ROBO1: variants seen among roughly 807,000 people sequenced by gnomAD.
ROBO1 encodes roundabout guidance receptor 1.
Under a neutral mutation model 195.9 loss-of-function variants are expected in ROBO1, and 149 were observed. The observed-to-expected ratio is 0.76, with a 90% CI of 0.67 to 0.87. The LOEUF (loss-of-function observed/expected upper bound fraction) is 0.87. ROBO1 is among the 40% of genes least tolerant of loss of function. The pLI, the probability that ROBO1 is intolerant of heterozygous loss-of-function variation, is 0.00. For synonymous variants in ROBO1, 816 were observed against 733.2 expected (o/e 1.11, Z -1.82); for missense variants, 1,933 against 2,068.3 (o/e 0.93, Z 1.27).
chr3:78,619,818 G>T (rs980386971), intron 26 of ROBO1, among the ~76,000 whole-genome samples: 10 of 151,898 alleles, frequency 6.6e-5, no homozygotes, highest in Admixed American at 6.6e-4. Flanking sequence ...AGGAGTTTGA[G>T]ACCAGCCTGG....
At chr3:79,231,051 C>T (rs901071285) in intron 2 of ROBO1, among the ~76,000 whole-genome samples, 8 of 152,112 alleles carry the variant, frequency 5.3e-5, no homozygotes, top group African/African-American at 1.9e-4. Flanking sequence ...CTTCCTTACA[C>T]CCTACACAAA....
At chr3:78,921,580 C>T (rs374440598) in intron 4 of ROBO1, among the ~76,000 whole-genome samples, 42 of 152,228 alleles carry the variant, frequency 2.8e-4, no homozygotes, top group African/African-American at 9.2e-4. Context: ...ATAAGCTCAC[C>T]TTATTTTAGG....
At chr3:79,019,874 A>G (rs557661746) in intron 3 of ROBO1, among the ~76,000 whole-genome samples, 2 of 152,184 alleles carry the variant, frequency 1.3e-5, no homozygotes, top group African/African-American at 4.8e-5. Flanking sequence ...AAAAAAAATC[A>G]ATTTTGAGCA....
chr3:79,440,424 A>T (rs749825003), intron 2 of ROBO1, among the ~76,000 whole-genome samples: 1 of 152,090 alleles, frequency 6.6e-6, no homozygotes, highest in Non-Finnish European at 1.5e-5. Context: ...GCTTCTGCTC[A>T]TAATTTATGT....
At chr3:79,104,324 C>A (rs1026999203) in intron 3 of ROBO1, among the ~76,000 whole-genome samples, 2 of 151,756 alleles carry the variant, frequency 1.3e-5, no homozygotes, top group African/African-American at 2.4e-5. Context: ...GTAGAAACTA[C>A]CTTACTTGAA....
intron 4 of ROBO1, among the ~76,000 whole-genome samples, chr3:78,787,752 C>T (rs1014360735): frequency 1.3e-5 from 2 of 151,876 alleles, no homozygotes; most frequent in African/African-American, 2.4e-5. Context: ...GATTTCGAGA[C>T]GAGCACAGGC....
chr3:79,601,865 C>T (rs1944349334), intron 1 of ROBO1, among the ~76,000 whole-genome samples: 1 of 151,842 alleles, frequency 6.6e-6, no homozygotes, highest in African/African-American at 2.4e-5. Flanking sequence ...TAGTTCAATA[C>T]TATTGGGAGA....
chr3:79,030,423 C>T lies in ROBO1; in HGVS notation c.173-91496G>A, dbSNP rs151337131. 7.4e-3 allele frequency among the ~76,000 whole-genome samples: 1,127 copies of T among 152,198 alleles called. 8 individuals are homozygous for T. Among genetic ancestry groups the T allele is most frequent in the South Asian group, 0.021 (100 of 4,824 alleles). On this transcript the variant is annotated intron_variant, in intron 3 of 30. Coordinates refer to ENST00000464233, the MANE Select transcript of ROBO1 (RefSeq NM_002941.4). ...TGTCAATAGTATCTAGACTGAGTAA[C>T]TCTGCTCTAGTTAAACTTTAATATA...
At chr3:79,000,289 T>G (rs777210960) in intron 3 of ROBO1, among the ~76,000 whole-genome samples, 11 of 152,132 alleles carry the variant, frequency 7.2e-5, no homozygotes, top group Non-Finnish European at 1.3e-4. Context: ...CTTGTAAATT[T>G]GTTTAAGTTC....
chr3:78,665,386 C>CCTG lies in ROBO1; in HGVS notation c.1966+2494_1966+2496dup, dbSNP rs1367870219. 2.0e-5 allele frequency among the ~76,000 whole-genome samples: 3 copies of CCTG among 152,272 alleles called. No homozygotes were observed. In the East Asian group the frequency reaches 5.8e-4, roughly 29 times the overall value. On this transcript the variant is annotated intron_variant, in intron 14 of 30. Transcript: ENST00000464233. Reference sequence around the variant, plus strand: ...CACACTCACATATACTTCCCGTAAGCCTGCTGTCTTTAGTCTATCCTTTTA... The same window carrying CCTG: ...CACACTCACATATACTTCCCGTAAGCCTGCTGCTGTCTTTAGTCTATCCTTTTA...
chr3:79,195,808 C>T (rs181192215), intron 2 of ROBO1, among the ~76,000 whole-genome samples: 156 of 151,268 alleles, frequency 1.0e-3, no homozygotes, highest in Non-Finnish European at 1.7e-3. Context: ...AAACTAGATG[C>T]TAATGTCTCT....
intron 1 of ROBO1, among the ~76,000 whole-genome samples, chr3:79,640,491 T>C (rs1348494918): frequency 6.6e-6 from 1 of 152,096 alleles, no homozygotes; most frequent in African/African-American, 2.4e-5. Context: ...ACTAATACAC[T>C]GCCCATGAAT....
chr3:79,291,837 G>C (rs903506907), intron 2 of ROBO1, among the ~76,000 whole-genome samples: 2 of 152,070 alleles, frequency 1.3e-5, no homozygotes, highest in African/African-American at 4.8e-5. Flanking sequence ...CAAGTTTTTT[G>C]AAATATAGAA....
At chr3:79,427,552 A>C (rs999863176) in intron 2 of ROBO1, among the ~76,000 whole-genome samples, 5 of 152,090 alleles carry the variant, frequency 3.3e-5, no homozygotes, top group African/African-American at 1.2e-4. Context: ...CAATTTCCTC[A>C]TTTTAAAAAT....
At chr3:78,874,860 C>T (rs931082522) in intron 4 of ROBO1, among the ~76,000 whole-genome samples, 2 of 151,786 alleles carry the variant, frequency 1.3e-5, no homozygotes, top group Non-Finnish European at 2.9e-5. Flanking sequence ...ATAATAGTTA[C>T]CTCAAAACAA....
intron 2 of ROBO1, among the ~76,000 whole-genome samples, chr3:79,575,490 A>AATAC (rs1553767619): frequency 7.9e-6 from 1 of 127,134 alleles, no homozygotes; most frequent in Admixed American, 8.6e-5. Flanking sequence ...ATATATAACA[A>AATAC]ATATATAAAT....
intron 4 of ROBO1, among the ~76,000 whole-genome samples, chr3:78,907,426 T>A (rs939790723): frequency 6.6e-6 from 1 of 152,082 alleles, no homozygotes; most frequent in Non-Finnish European, 1.5e-5. Flanking sequence ...ACTAGCATTG[T>A]GCAAATTAGA....
intron 1 of ROBO1, among the ~76,000 whole-genome samples, chr3:79,732,792 T>A (rs1233753228): frequency 6.6e-6 from 1 of 152,232 alleles, no homozygotes; most frequent in Admixed American, 6.5e-5. Flanking sequence ...TACAAGATGA[T>A]GTTCCTAATG....
In ROBO1 at chr3:78,633,965, T is replaced by C; in HGVS notation, c.3451A>G (p.Asn1151Asp). The C allele has an allele frequency of 1.2e-6, 2 of 1,612,588 alleles. No individual in the cohort carries two copies. Among genetic ancestry groups the C allele is most frequent in the Admixed American group, 1.7e-5 (1 of 59,884 alleles). Residue 1151 changes from asparagine (N) to aspartate (D), a missense_variant, in exon 24 of 31, where the codon AAC becomes GAC. Transcript: ENST00000464233. ...GTACTACTGCCCCGGTCTGAGCTGT[T>C]GTAGGATCCTCCTGTGTTCTGGTCG... Reference protein sequence around the residue: ...SYDQNTGGSYNSSDRGSSTSG... With the variant: ...SYDQNTGGSYDSSDRGSSTSG...
Sources: allele counts gnomAD v4.1 joint callset (sites outside exome capture counted in the v4.1 genomes callset), GRCh38; gene constraint gnomAD v4.1.1; transcripts MANE v1.5; gene names NCBI Gene and HGNC (gene_info 2026-07-23, HGNC 2026-07-21).